Variants in CTSO observed in about 807,000 individuals in gnomAD.
CTSO encodes cathepsin O.
CTSO carries 40 observed loss-of-function variants against 42.4 expected under a neutral mutation model. That is an observed-to-expected ratio of 0.94 (90% CI 0.73 to 1.23). CTSO has a LOEUF of 1.23. CTSO is among the 50% of genes most tolerant of loss of function. CTSO has a pLI of 0.00. For missense variants in CTSO, 441 were observed against 396.0 expected, an observed-to-expected ratio of 1.11 and a Z score of -0.96; for synonymous variants, 156 against 146.2, an observed-to-expected ratio of 1.07 and a Z score of -0.48.
chr4:155,948,693 T>C (rs910661186), intron 1 of CTSO, among the ~76,000 whole-genome samples: 5 of 152,294 alleles, frequency 3.3e-5, no homozygotes, highest in African/African-American at 1.2e-4. Flanking sequence ...TCCTCAGAAA[T>C]CAACATTTTT....
chr4:155,929,949 C>T (rs1225592805), intron 5 of CTSO, among the ~76,000 whole-genome samples: 1 of 152,142 alleles, frequency 6.6e-6, no homozygotes, highest in Non-Finnish European at 1.5e-5. Flanking sequence ...AGGGTCCATT[C>T]ATGGTCCAAG....
At chr4:155,934,565 T>C (rs1187113953) in intron 5 of CTSO, among the ~76,000 whole-genome samples, 1 of 152,184 alleles carries the variant, frequency 6.6e-6, no homozygotes, top group African/African-American at 2.4e-5. Context: ...GGCTGTACCC[T>C]GCAAAGCACA....
chr4:155,940,088 G>A (rs956188597), intron 3 of CTSO, among the ~76,000 whole-genome samples: 2 of 152,158 alleles, frequency 1.3e-5, no homozygotes, highest in Admixed American at 6.5e-5. Flanking sequence ...AAAGATGCCC[G>A]ATTAAGTATG....
Sources: gnomAD v4.1 joint callset for allele counts (sites outside exome capture counted in the v4.1 genomes callset) on GRCh38, gnomAD v4.1.1 for gene constraint, MANE v1.5 for transcripts, NCBI Gene and HGNC (gene_info 2026-07-23, HGNC 2026-07-21) for gene names.